Variants in CADPS2 observed in about 807,000 individuals in gnomAD.
The protein encoded by CADPS2 is calcium-dependent secretion activator 2.
In CADPS2, 93 loss-of-function variants were observed where a neutral mutation model predicts 172.5. The observed-to-expected ratio is 0.54, with a 90% CI of 0.46 to 0.64. The LOEUF is 0.64. Ranked by LOEUF, CADPS2 falls within the 30% of genes least tolerant of loss-of-function variation. The pLI is 0.00. For synonymous variants in CADPS2, 546 were observed against 555.2 expected, an observed-to-expected ratio of 0.98 and a Z score of 0.23; for missense variants, 1,420 against 1,565.9, an observed-to-expected ratio of 0.91 and a Z score of 1.57.
At chr7:122,446,982 G>T (rs1425179895) in intron 15 of CADPS2, among the ~76,000 whole-genome samples, 1 of 149,594 alleles carries the variant, frequency 6.7e-6, no homozygotes, top group East Asian at 2.0e-4. Context: ...TTGGGTGGGA[G>T]GCTAAATATA....
chr7:122,414,649 A>G (rs1461395777), intron 18 of CADPS2, among the ~76,000 whole-genome samples: 2 of 152,228 alleles, frequency 1.3e-5, no homozygotes, highest in Non-Finnish European at 2.9e-5. Context: ...GACAGATGCA[A>G]GCTAAAAACT....
At chr7:122,836,927 C>T (rs923843100) in intron 1 of CADPS2, among the ~76,000 whole-genome samples, 3 of 152,104 alleles carry the variant, frequency 2.0e-5, no homozygotes, top group Non-Finnish European at 4.4e-5. Context: ...ACCAAGCGGA[C>T]CTAATAGACA....
intron 7 of CADPS2, among the ~76,000 whole-genome samples, chr7:122,565,708 G>A (rs866342474): frequency 6.6e-6 from 1 of 152,058 alleles, no homozygotes; most frequent in Non-Finnish European, 1.5e-5. Flanking sequence ...CTTTATTGAG[G>A]TATACTTGAC....
At chr7:122,592,532 T>C (rs1169872074) in intron 6 of CADPS2, among the ~76,000 whole-genome samples, 1 of 152,214 alleles carries the variant, frequency 6.6e-6, no homozygotes, top group East Asian at 1.9e-4. Context: ...TAAAGACACA[T>C]GCACACGTAT....
At chr7:122,693,580 G>T (rs1425956449) in intron 2 of CADPS2, among the ~76,000 whole-genome samples, 1 of 152,178 alleles carries the variant, frequency 6.6e-6, no homozygotes, top group East Asian at 1.9e-4. Flanking sequence ...AATGCATCCT[G>T]AACACTGAGA....
intron 11 of CADPS2, among the ~76,000 whole-genome samples, chr7:122,483,438 T>G (rs2057497914): frequency 6.6e-6 from 1 of 151,980 alleles, no homozygotes; most frequent in South Asian, 2.1e-4. Context: ...AAAGTATTCA[T>G]TACCAGCAGA....
At chr7:122,594,716 G>T (rs2071470312) in intron 6 of CADPS2, among the ~76,000 whole-genome samples, 1 of 151,736 alleles carries the variant, frequency 6.6e-6, no homozygotes, top group South Asian at 2.1e-4. Context: ...TAGCAGCACA[G>T]TTCAAAGACA....
chr7:122,329,629 C>G (rs554687172), intron 28 of CADPS2, among the ~76,000 whole-genome samples: 45 of 152,304 alleles, frequency 3.0e-4, no homozygotes, highest in African/African-American at 1.0e-3. Context: ...ATGCACAACT[C>G]TCCTTTTTAC....
intron 6 of CADPS2, among the ~76,000 whole-genome samples, chr7:122,605,174 A>G (rs1189354783): frequency 1.3e-5 from 2 of 152,148 alleles, no homozygotes; most frequent in Non-Finnish European, 2.9e-5. Flanking sequence ...CATGAAAGGA[A>G]ATTGCAGGAC....
chr7:122,427,636 A>G (rs906279443), intron 17 of CADPS2, among the ~76,000 whole-genome samples: 1 of 152,182 alleles, frequency 6.6e-6, no homozygotes, highest in Non-Finnish European at 1.5e-5. Flanking sequence ...GAAGTATGTC[A>G]GGCTCTCATT....
intron 25 of CADPS2, among the ~76,000 whole-genome samples, chr7:122,370,187 A>C (rs2041586109): frequency 6.6e-6 from 1 of 152,118 alleles, no homozygotes; most frequent in Non-Finnish European, 1.5e-5. Context: ...GTCACAGATT[A>C]TCCTACATGA....
intron 1 of CADPS2, among the ~76,000 whole-genome samples, chr7:122,839,487 C>T (rs1479903255): frequency 6.6e-6 from 1 of 152,176 alleles, no homozygotes. Flanking sequence ...TCAGAGTGAA[C>T]AGACAACCTA....
At chr7:122,593,889 T>C (rs1018271968) in intron 6 of CADPS2, among the ~76,000 whole-genome samples, 1 of 151,988 alleles carries the variant, frequency 6.6e-6, no homozygotes, top group Admixed American at 6.6e-5. Context: ...CAACTTACAA[T>C]AGGCAAAGTG....
At chr7:122,511,613 G>A (rs1447758495) in intron 9 of CADPS2, among the ~76,000 whole-genome samples, 1 of 152,068 alleles carries the variant, frequency 6.6e-6, no homozygotes, top group African/African-American at 2.4e-5. Context: ...TAAGTTAGCT[G>A]GGTTTGTTCC....
intron 25 of CADPS2, among the ~76,000 whole-genome samples, chr7:122,375,934 A>ACTACATCT (rs1247103771): frequency 6.6e-6 from 1 of 152,126 alleles, no homozygotes; most frequent in Non-Finnish European, 1.5e-5. Context: ...TGAGCAAAGC[A>ACTACATCT]CTACATCTCT....
At chr7:122,776,015 G>A (rs1189698520) in intron 1 of CADPS2, among the ~76,000 whole-genome samples, 4 of 152,012 alleles carry the variant, frequency 2.6e-5, no homozygotes, top group Non-Finnish European at 4.4e-5. Context: ...ACTTTCTTAG[G>A]TCTACATAAT....
At chr7:122,842,686 T>A (rs1386753179) in intron 1 of CADPS2, among the ~76,000 whole-genome samples, 1 of 152,090 alleles carries the variant, frequency 6.6e-6, no homozygotes, top group East Asian at 1.9e-4. Context: ...GAACAATATA[T>A]GGGTTGAATA....
chr7:122,353,061 C>T (rs1409342831), intron 27 of CADPS2, among the ~76,000 whole-genome samples: 1 of 152,132 alleles, frequency 6.6e-6, no homozygotes, highest in Non-Finnish European at 1.5e-5. Flanking sequence ...ATTCTGAATT[C>T]TCATAATGAG....
intron 1 of CADPS2, among the ~76,000 whole-genome samples, chr7:122,803,349 A>T (rs537602287): frequency 6.6e-6 from 1 of 152,274 alleles, no homozygotes; most frequent in Non-Finnish European, 1.5e-5. Flanking sequence ...TTTCCCTTTG[A>T]AGTTAGGAAC....
Sources: gnomAD v4.1 joint callset for allele counts (sites outside exome capture counted in the v4.1 genomes callset) on GRCh38, gnomAD v4.1.1 for gene constraint, MANE v1.5 for transcripts, NCBI Gene and HGNC (gene_info 2026-07-23, HGNC 2026-07-21) for gene names.